Variants in SLIT2 observed in about 807,000 individuals in gnomAD.
The protein encoded by SLIT2 is slit guidance ligand 2.
SLIT2 carries 41 observed loss-of-function variants against 185.7 expected under a neutral mutation model. The observed-to-expected ratio is 0.22, with a 90% CI of 0.17 to 0.29. SLIT2 has a LOEUF of 0.29. Ranked by LOEUF, SLIT2 falls within the 10% of genes least tolerant of loss-of-function variation. The probability of loss-of-function intolerance (pLI) is 1.00; values close to 1 mark genes in which losing one functional copy is unlikely to be tolerated. For missense variants in SLIT2, 1,571 were observed against 1,909.0 expected, an observed-to-expected ratio of 0.82 and a Z score of 3.30; for synonymous variants, 693 against 680.2, an observed-to-expected ratio of 1.02 and a Z score of -0.29.
chr4:20,417,436 G>GTATATATATATA (rs367855245), intron 4 of SLIT2, among the ~76,000 whole-genome samples: 80 of 123,670 alleles, frequency 6.5e-4, no homozygotes, highest in Admixed American at 2.5e-3. Flanking sequence ...ATGTGTGTGT[G>GTATATATATATA]TATATATATA....
chr4:20,426,554 G>A (rs144089892), intron 4 of SLIT2, among the ~76,000 whole-genome samples: 51 of 152,198 alleles, frequency 3.4e-4, no homozygotes, highest in African/African-American at 1.2e-3. Context: ...TGACAGGTAC[G>A]GCCATTTGCA....
intron 4 of SLIT2, among the ~76,000 whole-genome samples, chr4:20,339,100 A>AAG (rs1720750027): frequency 6.6e-6 from 1 of 151,536 alleles, no homozygotes; most frequent in Admixed American, 6.6e-5. Flanking sequence ...CAAAAAAAAA[A>AAG]AAAAAAAAAA....
At position 20,254,264 on chromosome 4, in the gene SLIT2, G is replaced by T. The variant is rs943572281; in HGVS notation, c.179+270G>T. Among the ~76,000 whole-genome samples, 4 of 152,136 alleles carry T rather than the reference G, an allele frequency of 2.6e-5. No homozygotes were observed. Among genetic ancestry groups the T allele is most frequent in the African/African-American group, 9.7e-5 (4 of 41,432 alleles). On this transcript the variant is annotated intron_variant, in intron 1 of 36. Transcript: ENST00000504154. The surrounding 1 kb of genome is among the most constrained non-coding windows in gnomAD (Gnocchi z 5.1). Reference sequence around the variant, plus strand: ...AGCTCCTTGCTGGCTAGTTCTCTGGGGCTGGGGAGCGGGTAGATAGGGGAC... The same window carrying T: ...AGCTCCTTGCTGGCTAGTTCTCTGGTGCTGGGGAGCGGGTAGATAGGGGAC...
chr4:20,511,451 T>A (rs867003498), intron 11 of SLIT2, among the ~76,000 whole-genome samples: 12 of 145,702 alleles, frequency 8.2e-5, no homozygotes, highest in African/African-American at 2.8e-4. Context: ...AGACGGAGTC[T>A]TGCTCTGTCG....
intron 4 of SLIT2, among the ~76,000 whole-genome samples, chr4:20,350,962 T>C (rs536245615): frequency 6.6e-6 from 1 of 152,202 alleles, no homozygotes; most frequent in Non-Finnish European, 1.5e-5. Flanking sequence ...AAAGTATTAG[T>C]GCAGCATTGG....
intron 16 of SLIT2, among the ~76,000 whole-genome samples, chr4:20,530,681 ATT>A (rs571690998): frequency 3.9e-5 from 6 of 152,100 alleles, no homozygotes; most frequent in Non-Finnish European, 8.8e-5. Flanking sequence ...GAGATTTATA[ATT>A]TTTTTAATTA....
chr4:20,266,225 T>C (rs1322640565), intron 3 of SLIT2, among the ~76,000 whole-genome samples: 2 of 151,944 alleles, frequency 1.3e-5, no homozygotes, highest in African/African-American at 4.8e-5. Context: ...AAAATCTGCT[T>C]TCTCACAATA....
chr4:20,267,952 G>A (rs546296588), intron 3 of SLIT2, among the ~76,000 whole-genome samples: 8 of 151,822 alleles, frequency 5.3e-5, no homozygotes, highest in South Asian at 2.1e-4. Context: ...GCTCTTTATC[G>A]TTTTATTTAG....
At chr4:20,256,867 C>A in intron 2 of SLIT2, 124 bp downstream of exon 2, 1 of 523,544 alleles carries the variant, frequency 1.9e-6, no homozygotes, top group Admixed American at 3.9e-5. Flanking sequence ...GTCATGCTTT[C>A]CTTTTTTCTG....
intron 4 of SLIT2, among the ~76,000 whole-genome samples, chr4:20,279,884 C>T (rs1714548796): frequency 6.6e-6 from 1 of 152,070 alleles, no homozygotes; most frequent in Non-Finnish European, 1.5e-5. Context: ...TATATTTGTC[C>T]TTGTTTCATA....
rs776583238 is a variant in SLIT2 at position 20,480,800 on chromosome 4, A to G, written c.539+13A>G. 1.4e-5 allele frequency: 23 copies of G among 1,595,780 alleles called. No homozygotes were observed. Among genetic ancestry groups the G allele is most frequent in the East Asian group, 4.5e-5 (2 of 44,776 alleles). ...ACCTGGAAGTGCTGTAAGTACTGCT[A>G]TTTCTCTTGCTCTTTTAACGGGGGC... is the stretch of plus-strand genomic sequence containing the variant. On this transcript the variant is annotated intron_variant, in intron 6 of 36. Transcript: ENST00000504154.
At chr4:20,359,032 C>T (rs1171974288) in intron 4 of SLIT2, among the ~76,000 whole-genome samples, 1 of 152,038 alleles carries the variant, frequency 6.6e-6, no homozygotes, top group Non-Finnish European at 1.5e-5. Flanking sequence ...CTTCGAGAAT[C>T]GTTTCTTGCC....
At chr4:20,437,075 T>C (rs1421410082) in intron 4 of SLIT2, among the ~76,000 whole-genome samples, 1 of 152,212 alleles carries the variant, frequency 6.6e-6, no homozygotes, top group African/African-American at 2.4e-5. Context: ...ATTCACTTAG[T>C]GATCTCATAT....
At chr4:20,450,185 C>A (rs1712308341) in intron 4 of SLIT2, among the ~76,000 whole-genome samples, 1 of 152,262 alleles carries the variant, frequency 6.6e-6, no homozygotes, top group Non-Finnish European at 1.5e-5. Context: ...TTCAGACAAT[C>A]ATTAGAGAAT....
chr4:20,453,722 C>T (rs1174997993), intron 4 of SLIT2, among the ~76,000 whole-genome samples: 2 of 152,162 alleles, frequency 1.3e-5, no homozygotes, highest in Non-Finnish European at 2.9e-5. Context: ...GTAGAGGGAG[C>T]AAACAGAAAT....
At chr4:20,282,037 A>C (rs1433000919) in intron 4 of SLIT2, among the ~76,000 whole-genome samples, 4 of 152,204 alleles carry the variant, frequency 2.6e-5, no homozygotes, top group African/African-American at 9.7e-5. Context: ...ATTCATCAGA[A>C]CCTTTCTGTT....
intron 4 of SLIT2, among the ~76,000 whole-genome samples, chr4:20,281,882 G>T (rs1183063824): frequency 6.6e-6 from 1 of 152,174 alleles, no homozygotes; most frequent in East Asian, 1.9e-4. Context: ...AATTCACAAG[G>T]TATATCCATC....
In SLIT2 at chr4:20,417,739, C is replaced by T. The variant is rs571082811; in HGVS notation, c.396-50013C>T. ...TTCACTATGTTGGCCAGGATGGTCT[C>T]GATCTCTTGAGCTTGTGATCCGCCC... On this transcript the variant is annotated intron_variant, in intron 4 of 36. Coordinates refer to ENST00000504154, the MANE Select transcript of SLIT2 (RefSeq NM_004787.4). Among the ~76,000 whole-genome samples, 6 of 151,590 alleles carry T rather than the reference C, an allele frequency of 4.0e-5. No homozygotes were observed. In the East Asian group the frequency reaches 5.9e-4, roughly 15 times the overall value.
At chr4:20,490,442 T>G (rs1347552119) in intron 8 of SLIT2, among the ~76,000 whole-genome samples, 1 of 150,422 alleles carries the variant, frequency 6.6e-6, no homozygotes, top group East Asian at 1.9e-4. Flanking sequence ...TATATATATG[T>G]GTGGGTGTGT....
Sources: allele counts gnomAD v4.1 joint callset (sites outside exome capture counted in the v4.1 genomes callset), GRCh38; gene constraint gnomAD v4.1.1; non-coding constraint Gnocchi (gnomAD v3.1); transcripts MANE v1.5; gene names NCBI Gene and HGNC (gene_info 2026-07-23, HGNC 2026-07-21).